Variants in KLHL8 observed in about 807,000 individuals in gnomAD.
KLHL8 encodes kelch like family member 8.
Under a neutral mutation model 63.5 loss-of-function variants are expected in KLHL8, and 38 were observed. The ratio of observed to expected loss-of-function variants is 0.60; its 90% CI spans 0.46 to 0.78. KLHL8 has a LOEUF of 0.78. Ranked by LOEUF, KLHL8 falls within the 30% of genes least tolerant of loss-of-function variation. The pLI, the probability that KLHL8 is intolerant of heterozygous loss-of-function variation, is 0.00. For missense variants in KLHL8, 566 were observed against 752.4 expected (o/e 0.75, Z 2.90); for synonymous variants, 224 against 254.3 (o/e 0.88, Z 1.13).
intron 8 of KLHL8, among the ~76,000 whole-genome samples, chr4:87,168,610 A>AT (rs936581958): frequency 4.0e-5 from 6 of 150,514 alleles, no homozygotes; most frequent in African/African-American, 1.5e-4. Context: ...AATTTATAAT[A>AT]TTTTTTTCTG....
upstream of KLHL8, among the ~76,000 whole-genome samples, chr4:87,223,165 G>T (rs1431459242): frequency 9.1e-6 from 1 of 110,368 alleles, no homozygotes; most frequent in African/African-American, 3.0e-5. Flanking sequence ...TAGAGATGGG[G>T]TTTCTCCATG....
chr4:87,226,858 T>C (rs1329891925), intron 1 of KLHL8, among the ~76,000 whole-genome samples: 2 of 31,588 alleles, frequency 6.3e-5, no homozygotes, highest in Non-Finnish European at 1.1e-4. Flanking sequence ...TATATATAAA[T>C]AATATATATT....
At chr4:87,234,683 A>C (rs1236316081) in intron 1 of KLHL8, among the ~76,000 whole-genome samples, 1 of 152,198 alleles carries the variant, frequency 6.6e-6, no homozygotes. Flanking sequence ...TTGCTATTTT[A>C]GAGTATACTC....
intron 1 of KLHL8, among the ~76,000 whole-genome samples, chr4:87,230,013 C>A (rs1733107489): frequency 6.6e-6 from 1 of 152,152 alleles, no homozygotes; most frequent in Non-Finnish European, 1.5e-5. Context: ...TTCATTCCCA[C>A]CCTCTCAGTC....
chr4:87,216,532 C>T (rs1221851851), intron 1 of KLHL8, among the ~76,000 whole-genome samples: 1 of 152,034 alleles, frequency 6.6e-6, no homozygotes, highest in South Asian at 2.1e-4. Flanking sequence ...TAATTTCTCC[C>T]CAGAAAAGTA....
intron 1 of KLHL8, among the ~76,000 whole-genome samples, chr4:87,239,030 T>A (rs1733283473): frequency 1.3e-5 from 2 of 152,342 alleles, no homozygotes; most frequent in South Asian, 2.1e-4. Flanking sequence ...TTATATTTTT[T>A]AAAAATGCAG....
chr4:87,176,839 C>T lies in KLHL8; in HGVS notation c.1126G>A (p.Gly376Arg), dbSNP rs1486255332. Reference sequence around the variant, plus strand: ...TCCATACTCCCTAAATGTTCATTTCCATCATGTCCACCTACTGCATACACT... The same window carrying T: ...TCCATACTCCCTAAATGTTCATTTCTATCATGTCCACCTACTGCATACACT... ...GKVYAVGGHD[G>R]NEHLGSMEMF... The change falls in exon 6 of 10, where the codon GGA becomes AGA. Residue 376 changes from glycine (G) to arginine (R), a missense_variant. Transcript: ENST00000273963. 2.5e-6 allele frequency: 4 copies of T among 1,605,670 alleles called. No individual in the cohort carries two copies. Among genetic ancestry groups the T allele is most frequent in the Admixed American group, 3.4e-5 (2 of 58,518 alleles).
intron 1 of KLHL8, chr4:87,208,027 A>C: frequency 1.5e-6 from 1 of 675,724 alleles, no homozygotes; most frequent in East Asian, 2.9e-5. Context: ...TTCTTGGTAT[A>C]GCGATGAATT....
Position 87,195,563 on chromosome 4 carries a change from A to T in KLHL8, c.-24T>A. The T allele has an allele frequency of 6.3e-7, 1 of 1,578,674 alleles. No homozygotes were observed. ...ATTTGCAATATTCCTCTTTTAATAG[A>T]GCTCTCTTCTCAAACATGCCATTTA... On this transcript the variant is annotated 5_prime_UTR_variant, in exon 2 of 10. Transcript: ENST00000273963.
At position 87,162,456 on chromosome 4, in the gene KLHL8, A is replaced by G. The variant is rs909480497; in HGVS notation, c.*1063T>C. 1.3e-5 allele frequency: 2 copies of G among 152,208 alleles called. No individual in the cohort carries two copies. Among genetic ancestry groups the G allele is most frequent in the Non-Finnish European group, 2.9e-5 (2 of 68,014 alleles). The allele number at this position is 152,208 out of a possible 1,614,324, so 9.4% of individuals were successfully genotyped here. A position where few individuals can be genotyped will look rare whatever the true frequency, so the allele number is the denominator to read the frequency against. On this transcript the variant is annotated 3_prime_UTR_variant, in exon 10 of 10. Coordinates refer to ENST00000273963, the MANE Select transcript of KLHL8 (RefSeq NM_020803.5). Reference sequence around the variant, plus strand: ...ATTTCAATCTCTGTTTTTACCAACAATATGTTTAATTAGTTCGTGATGGGC... The same window carrying G: ...ATTTCAATCTCTGTTTTTACCAACAGTATGTTTAATTAGTTCGTGATGGGC...
intron 1 of KLHL8, among the ~76,000 whole-genome samples, chr4:87,239,175 T>C (rs1400547000): frequency 1.3e-5 from 2 of 152,200 alleles, no homozygotes; most frequent in Non-Finnish European, 2.9e-5. Context: ...TATTTTAAGA[T>C]AAGTGGAGAG....
At chr4:87,178,936 C>T (rs1730941232) in intron 4 of KLHL8, among the ~76,000 whole-genome samples, 1 of 152,168 alleles carries the variant, frequency 6.6e-6, no homozygotes, top group Non-Finnish European at 1.5e-5. Flanking sequence ...ACAATTGCAA[C>T]ATTTGATATG....
chr4:87,194,883 G>A (rs1731633417), intron 2 of KLHL8, among the ~76,000 whole-genome samples: 1 of 152,064 alleles, frequency 6.6e-6, no homozygotes, highest in African/African-American at 2.4e-5. Context: ...TTAAATTACT[G>A]GAATAGAGAT....
rs139687962 is a variant in KLHL8 at position 87,216,502 on chromosome 4, GA to G, written c.-152+3915del. Among the ~76,000 whole-genome samples, 795 of 152,174 alleles carry G rather than the reference GA, an allele frequency of 5.2e-3. 9 individuals carry two copies. Among genetic ancestry groups the G allele is most frequent in the African/African-American group, 0.018 (760 of 41,508 alleles). On this transcript the variant is annotated intron_variant, in intron 1 of 9. Coordinates refer to ENST00000273963, the MANE Select transcript of KLHL8 (RefSeq NM_020803.5). ...GCTCTTTTAATTTAATTTTTCCCCA[GA>G]AAAGTATAAATTTTCATTTAATTTC...
In KLHL8 at chr4:87,183,538, T is replaced by C. The variant is rs74664269; in HGVS notation, c.766-149A>G. The C allele has an allele frequency of 3.6e-3, 2,363 of 662,494 alleles. 46 individuals are homozygous for C. The African/African-American group carries it at 0.039, about 11-fold the overall frequency. The allele number at this position is 662,494 out of a possible 1,614,324, so 41.0% of individuals were successfully genotyped here. A position where few individuals can be genotyped will look rare whatever the true frequency, so the allele number is the denominator to read the frequency against. On this transcript the variant is annotated intron_variant, in intron 3 of 9. Coordinates refer to ENST00000273963, the MANE Select transcript of KLHL8 (RefSeq NM_020803.5). ...GTTCTCTTTTTAAAACTTAAGTTGT[T>C]ACTTCATGAAATGTAACATGTTCAT...
rs934419084 is a variant in KLHL8, at chr4:87,230,307, T to C, written n.58-8917A>G. 3.9e-5 allele frequency among the ~76,000 whole-genome samples: 6 copies of C among 152,248 alleles called. No homozygotes were observed. The South Asian group carries it at 8.3e-4, about 21-fold the overall frequency. On this transcript the variant is annotated intron_variant and non_coding_transcript_variant, in intron 1 of 1. Coordinates refer to the KLHL8 transcript ENST00000506274. ...CCCTTTGACCTCCTCAAGTGACACT[T>C]CCACCCCCAATATAACTGCTGGAAG...
At chr4:87,191,253 G>C (rs1273014306) in intron 2 of KLHL8, among the ~76,000 whole-genome samples, 1 of 152,196 alleles carries the variant, frequency 6.6e-6, no homozygotes, top group Non-Finnish European at 1.5e-5. Flanking sequence ...CAGATCGCTT[G>C]AGTCCAGGAG....
In KLHL8 at chr4:87,226,621, A is replaced by AATATATATATTACTTATATAAATAAT. The variant is rs201221049; in HGVS notation, n.58-5232_58-5231insATTATTTATATAAGTAATATATATAT. Among the ~76,000 whole-genome samples, 95 of 49,434 alleles carry AATATATATATTACTTATATAAATAAT rather than the reference A, an allele frequency of 1.9e-3. 5 individuals are homozygous for AATATATATATTACTTATATAAATAAT. Among genetic ancestry groups the AATATATATATTACTTATATAAATAAT allele is most frequent in the African/African-American group, 7.0e-3 (69 of 9,846 alleles). The allele number at this position is 49,434 out of a possible 152,430, so 32.4% of individuals were successfully genotyped here. ...TAATATATATATTATTTATATAAATAATATATATTACTTATATAAATAATA... is the reference window on the plus strand; with the variant it reads ...TAATATATATATTATTTATATAAATAATATATATATTACTTATATAAATAATATATATATTACTTATATAAATAATA... On this transcript the variant is annotated intron_variant and non_coding_transcript_variant, in intron 1 of 1. Coordinates refer to the KLHL8 transcript ENST00000506274.
intron 1 of KLHL8, among the ~76,000 whole-genome samples, chr4:87,212,993 C>T (rs1354762096): frequency 6.6e-6 from 1 of 152,186 alleles, no homozygotes; most frequent in Non-Finnish European, 1.5e-5. Context: ...TTAGATACTA[C>T]TATTATCAAA....
Sources: gnomAD v4.1 joint callset for allele counts (sites outside exome capture counted in the v4.1 genomes callset) on GRCh38, gnomAD v4.1.1 for gene constraint, MANE v1.5 for transcripts, NCBI Gene and HGNC (gene_info 2026-07-23, HGNC 2026-07-21) for gene names.